The following MAPK14 variants were observed in gnomAD, a reference collection of about 807,000 sequenced individuals.
MAPK14 encodes the protein CSAID-binding protein.
Under a neutral mutation model 49.6 loss-of-function variants are expected in MAPK14, and 16 were observed. The ratio of observed to expected loss-of-function variants is 0.32; its 90% confidence interval spans 0.22 to 0.49. MAPK14 has a LOEUF of 0.49. MAPK14 is among the 20% of genes least tolerant of loss of function. The pLI is 0.99. For missense variants in MAPK14, 200 were observed against 441.2 expected (o/e 0.45, Z 4.90); for synonymous variants, 142 against 158.0 (o/e 0.90, Z 0.76).
chr6:36,061,994 A>G (rs1340153756), intron 3 of MAPK14, among the ~76,000 whole-genome samples: 3 of 151,610 alleles, frequency 2.0e-5, no homozygotes, highest in African/African-American at 7.3e-5. Flanking sequence ...TTTTTTTTTG[A>G]GACAGCGTCT....
chr6:36,124,141 TCCC>T, the MAPK14 span, among the ~76,000 whole-genome samples: 29 of 42,968 alleles, frequency 6.7e-4, no homozygotes, highest in African/African-American at 2.3e-3. Flanking sequence ...CCTCCCTCCC[TCCC>T]TCCCTCCCTT....
intron 1 of MAPK14, among the ~76,000 whole-genome samples, chr6:36,029,404 A>C (rs1762447475): frequency 6.6e-6 from 1 of 152,172 alleles, no homozygotes; most frequent in Admixed American, 6.5e-5. Flanking sequence ...TATTTCACTA[A>C]CTGCTCTCTT....
Position 36,107,645 on chromosome 6 carries a change from G to A in MAPK14, c.1015+17G>A. 1 of 1,517,454 alleles carries A rather than the reference G, an allele frequency of 6.6e-7. No homozygotes were observed. The allele number at this position is 1,517,454 out of a possible 1,614,324, so 94.0% of individuals were successfully genotyped here. ...AGTGGAAAAGTAAGTCCTAAGGGTA[G>A]GATTAACATCTTGAACCACTAACCA... On this transcript the variant is annotated intron_variant, in intron 11 of 11. Coordinates refer to ENST00000229794, the MANE Select transcript of MAPK14 (RefSeq NM_139012.3). This position sits in a 1 kb window ranked among gnomAD's most constrained non-coding sequence, Gnocchi z 4.3.
chr6:36,121,602 C>G, the MAPK14 span, among the ~76,000 whole-genome samples: 4 of 152,244 alleles, frequency 2.6e-5, no homozygotes, highest in Non-Finnish European at 4.4e-5. Flanking sequence ...CCTTACTCAT[C>G]CCTGTTGCCA....
Position 36,027,840 on chromosome 6 carries a change from G to A in MAPK14, c.-318G>A, listed in dbSNP as rs201059311. On this transcript the variant is annotated 5_prime_UTR_variant, in exon 1 of 12. Transcript: ENST00000229794. ...CCTTAGCGGGCGCAGCAGCTGGAACGGGAGTACTGCGACGCAGCCCGGAGT... is the reference window on the plus strand; with the variant it reads ...CCTTAGCGGGCGCAGCAGCTGGAACAGGAGTACTGCGACGCAGCCCGGAGT... 1.5e-5 allele frequency: 6 copies of A among 401,382 alleles called. No homozygotes were observed. The East Asian group carries it at 2.1e-4, about 14-fold the overall frequency. 24.9% of individuals were successfully genotyped at this position (401,382 alleles called of 1,614,324 possible). A position where few individuals can be genotyped will look rare whatever the true frequency, so the allele number is the denominator to read the frequency against.
chr6:36,111,978 G>A (rs1324803601), downstream of MAPK14, among the ~76,000 whole-genome samples: 3 of 152,098 alleles, frequency 2.0e-5, no homozygotes, highest in East Asian at 3.9e-4. Flanking sequence ...AGGCTGAGGC[G>A]GGCAGATCAC....
intron 2 of MAPK14, among the ~76,000 whole-genome samples, chr6:36,053,865 G>A (rs901670805): frequency 4.6e-5 from 7 of 152,062 alleles, no homozygotes; most frequent in East Asian, 1.9e-4. Flanking sequence ...ATTGGATTAT[G>A]GATGCCATTA....
intron 1 of MAPK14, among the ~76,000 whole-genome samples, chr6:36,032,141 C>G (rs1762569453): frequency 6.6e-6 from 1 of 151,926 alleles, no homozygotes; most frequent in African/African-American, 2.4e-5. Context: ...GAATAAAATT[C>G]ATTCATTGAA....
the MAPK14 span, among the ~76,000 whole-genome samples, chr6:36,123,766 G>A: frequency 2.2e-4 from 33 of 152,172 alleles, no homozygotes; most frequent in Non-Finnish European, 3.2e-4. Context: ...GGACAAGGCC[G>A]AGATCAAACA....
intron 7 of MAPK14, among the ~76,000 whole-genome samples, 155 bp downstream of exon 7, chr6:36,076,117 A>G (rs1764522110): frequency 6.6e-6 from 1 of 152,194 alleles, no homozygotes; most frequent in Non-Finnish European, 1.5e-5. Flanking sequence ...TCACTTCCTC[A>G]GATGGGGAAG....
intron 2 of MAPK14, among the ~76,000 whole-genome samples, chr6:36,054,750 A>G (rs1407360063): frequency 6.6e-6 from 1 of 152,214 alleles, no homozygotes; most frequent in African/African-American, 2.4e-5. Flanking sequence ...ACTTCCGGTA[A>G]GTTTAATTGA....
In MAPK14 at chr6:36,052,799, C is replaced by T. The variant is rs758211646; in HGVS notation, c.217C>T (p.Arg73Trp). ...IHAKRTYREL[R>W]LLKHMKHENV... ...TGCGAAAAGAACCTACAGAGAACTGCGGTTACTTAAACATATGAAACATGA... is the reference window on the plus strand; with the variant it reads ...TGCGAAAAGAACCTACAGAGAACTGTGGTTACTTAAACATATGAAACATGA... Residue 73 changes from arginine to tryptophan, a missense_variant, in exon 2 of 12, where the codon CGG (arginine) becomes TGG (tryptophan). Physicochemically the swap from Arg to Trp is moderately radical, Grantham distance 101. Around this residue, in one of 2 missense-constraint regions of MAPK14, gnomAD observed 170 missense variants for 407.0 expected, o/e 0.42. Coordinates refer to ENST00000229794, the MANE Select transcript of MAPK14 (RefSeq NM_139012.3). 1.2e-5 allele frequency: 19 copies of T among 1,610,042 alleles called. No individual in the cohort carries two copies. The highest frequency in any genetic ancestry group is 2.2e-5 in the South Asian group (2 of 90,584).
At chr6:36,101,352 T>G (rs979819710) in intron 9 of MAPK14, among the ~76,000 whole-genome samples, 1 of 152,150 alleles carries the variant, frequency 6.6e-6, no homozygotes, top group Non-Finnish European at 1.5e-5. Context: ...GCAGGAGGGT[T>G]GCTTGAGTCA....
At chr6:36,098,988 G>C (rs1422547528) in intron 9 of MAPK14, among the ~76,000 whole-genome samples, 1 of 152,128 alleles carries the variant, frequency 6.6e-6, no homozygotes, top group Non-Finnish European at 1.5e-5. Context: ...CTGTCTTTGG[G>C]CTTAGGGAGC....
At chr6:36,052,010 C>T (rs1163455915) in intron 1 of MAPK14, among the ~76,000 whole-genome samples, 2 of 152,106 alleles carry the variant, frequency 1.3e-5, no homozygotes, top group Non-Finnish European at 2.9e-5. Context: ...AGTGGTATAA[C>T]TCCACTGGCT....
At chr6:36,100,697 G>T (rs186023216) in intron 9 of MAPK14, among the ~76,000 whole-genome samples, 5 of 152,110 alleles carry the variant, frequency 3.3e-5, no homozygotes, top group Admixed American at 2.6e-4. Context: ...ATACTAATAT[G>T]TACTATATTT....
Position 36,065,507 on chromosome 6 carries a change from G to GGTTGT in MAPK14, c.305+6162_305+6163insTGTGT, listed in dbSNP as rs1554181671. Reference sequence around the variant, plus strand: ...GAGAGAGGGAGCTGAGGGCAGAAAAGGTGTGTGTGTGTGTGTGTGTGTGTG... The same window carrying GGTTGT: ...GAGAGAGGGAGCTGAGGGCAGAAAAGGTTGTGTGTGTGTGTGTGTGTGTGTGTGTG... On this transcript the variant is annotated intron_variant, in intron 3 of 11. Coordinates refer to ENST00000229794, the MANE Select transcript of MAPK14 (RefSeq NM_139012.3). Among the ~76,000 whole-genome samples the GGTTGT allele has an allele frequency of 3.3e-5, 4 of 122,454 alleles. No individual in the cohort carries two copies. The Admixed American group carries it at 3.3e-4, about 10-fold the overall frequency. 80.3% of individuals were successfully genotyped at this position (122,454 alleles called of 152,430 possible).
intron 9 of MAPK14, among the ~76,000 whole-genome samples, chr6:36,101,862 A>G (rs553125979): frequency 3.6e-4 from 55 of 152,224 alleles, no homozygotes; most frequent in Admixed American, 9.8e-4. Context: ...ATAAATATAC[A>G]TACATACTTT....
intron 8 of MAPK14, among the ~76,000 whole-genome samples, chr6:36,079,001 C>G (rs1179144512): frequency 6.6e-6 from 1 of 152,194 alleles, no homozygotes; most frequent in Non-Finnish European, 1.5e-5. Flanking sequence ...TGTCATGGGT[C>G]AAAGCACAGT....
Sources: gnomAD v4.1 joint callset for allele counts (sites outside exome capture counted in the v4.1 genomes callset) on GRCh38, gnomAD v4.1.1 for gene constraint, gnomAD v4.1.1 regional missense constraint, Gnocchi (gnomAD v3.1) non-coding constraint, MANE v1.5 for transcripts, NCBI Gene and HGNC (gene_info 2026-07-23, HGNC 2026-07-21) for gene names.